Variants in NCK1 observed in about 807,000 individuals in gnomAD.
NCK1 encodes the protein NCK adaptor protein 1, also known as SH2/SH3 adapter protein NCK1.
In NCK1, 19 loss-of-function variants were observed where a neutral mutation model predicts 36.6. The observed-to-expected ratio is 0.52, with a 90% CI of 0.36 to 0.76. NCK1 has a LOEUF of 0.76. NCK1 is among the 30% of genes least tolerant of loss of function. The probability of loss-of-function intolerance (pLI) is 0.00; values close to 1 mark genes in which losing one functional copy is unlikely to be tolerated. For synonymous variants in NCK1, 165 were observed against 156.0 expected (o/e 1.06, Z -0.43); for missense variants, 358 against 445.6 (o/e 0.80, Z 1.77).
intron 1 of NCK1, among the ~76,000 whole-genome samples, chr3:136,874,131 T>C (rs1181964519): frequency 1.3e-5 from 2 of 152,234 alleles, no homozygotes; most frequent in African/African-American, 4.8e-5. Flanking sequence ...GTTTTTTGGC[T>C]ATTGTGAATA....
chr3:136,884,718 CT>C (rs72234296), intron 1 of NCK1, among the ~76,000 whole-genome samples: 7 of 145,144 alleles, frequency 4.8e-5, no homozygotes, highest in Admixed American at 1.4e-4. Flanking sequence ...CATGCCTGAG[CT>C]TTTTTTTTTT....
At chr3:136,880,364 T>TG (rs1938896422) in intron 1 of NCK1, among the ~76,000 whole-genome samples, 2 of 151,400 alleles carry the variant, frequency 1.3e-5, no homozygotes, top group South Asian at 4.2e-4. Context: ...GTTATTAGGG[T>TG]GGACCCTAAT....
chr3:136,893,975 T>G (rs1362915291), intron 1 of NCK1, among the ~76,000 whole-genome samples: 1 of 152,198 alleles, frequency 6.6e-6, no homozygotes, highest in Non-Finnish European at 1.5e-5. Flanking sequence ...CTTGCCTGTT[T>G]TGAGCCATGG....
chr3:136,902,645 A>G (rs1404251732), intron 1 of NCK1, among the ~76,000 whole-genome samples: 1 of 152,168 alleles, frequency 6.6e-6, no homozygotes, highest in Non-Finnish European at 1.5e-5. Flanking sequence ...GAATGTGTTC[A>G]CAGTGGGGTG....
chr3:136,947,895 T>C (rs113064503), intron 3 of NCK1, among the ~76,000 whole-genome samples: 5 of 152,262 alleles, frequency 3.3e-5, no homozygotes, highest in African/African-American at 9.6e-5. Flanking sequence ...TTCTCATGTG[T>C]TTCTCTGACT....
chr3:136,926,767 T>C (rs1280042165), intron 1 of NCK1, among the ~76,000 whole-genome samples: 1 of 152,204 alleles, frequency 6.6e-6, no homozygotes, highest in Non-Finnish European at 1.5e-5. Context: ...TCAAAAGTTA[T>C]CTTTTTGTTA....
At chr3:136,913,928 G>C (rs1939893912) in intron 1 of NCK1, among the ~76,000 whole-genome samples, 1 of 152,138 alleles carries the variant, frequency 6.6e-6, no homozygotes, top group Non-Finnish European at 1.5e-5. Context: ...CCAAAGTGCT[G>C]GGATTACAGG....
chr3:136,899,290 CT>C, intron 1 of NCK1: 2 of 245,490 alleles, frequency 8.1e-6, no homozygotes, highest in Non-Finnish European at 1.7e-5. Context: ...AGATAAATCT[CT>C]TTTGGCGAGG....
chr3:136,904,877 T>A (rs2108104517), intron 1 of NCK1, among the ~76,000 whole-genome samples: 1 of 152,094 alleles, frequency 6.6e-6, no homozygotes, highest in African/African-American at 2.4e-5. Context: ...ACTGGCTCAT[T>A]TCCAAGGGCC....
chr3:136,907,460 C>G (rs1484932313), intron 1 of NCK1, among the ~76,000 whole-genome samples: 1 of 152,160 alleles, frequency 6.6e-6, no homozygotes, highest in Non-Finnish European at 1.5e-5. Flanking sequence ...CTAGGCACCT[C>G]TTTATGTTAG....
chr3:136,890,194 T>C (rs548762311), intron 1 of NCK1, among the ~76,000 whole-genome samples: 1 of 152,082 alleles, frequency 6.6e-6, no homozygotes, highest in South Asian at 2.1e-4. Context: ...GCTGGTGGGC[T>C]GGCATTGCTG....
intron 1 of NCK1, among the ~76,000 whole-genome samples, chr3:136,919,264 T>TGAGA (rs1940045898): frequency 6.6e-6 from 1 of 152,210 alleles, no homozygotes; most frequent in Admixed American, 6.5e-5. Flanking sequence ...TATTTTCTTA[T>TGAGA]TTAGATTGTG....
chr3:136,867,163 TCCTTCCTTCCTTCC>T lies in NCK1; in HGVS notation c.-19+4811_-19+4824del, dbSNP rs1560028594. ...TTCCTTCCTTCCTTCCTTCCTTCCT[TCCTTCCTTCCTTCC>T]TTCTTTCTTTCTTTTCTTTCTTTTC... On this transcript the variant is annotated intron_variant, in intron 1 of 3. Coordinates refer to ENST00000481752, the MANE Select transcript of NCK1 (RefSeq NM_001291999.2). Among the ~76,000 whole-genome samples, 138 of 64,550 alleles carry T rather than the reference TCCTTCCTTCCTTCC, an allele frequency of 2.1e-3. 10 individuals are homozygous for T. Among genetic ancestry groups the T allele is most frequent in the East Asian group, 7.3e-3 (7 of 964 alleles). 42.3% of individuals were successfully genotyped at this position (64,550 alleles called of 152,430 possible).
chr3:136,871,246 A>T (rs947726198), intron 1 of NCK1, among the ~76,000 whole-genome samples: 1 of 152,014 alleles, frequency 6.6e-6, no homozygotes, highest in Non-Finnish European at 1.5e-5. Context: ...AGTAAAAAAA[A>T]AAAATTAGCC....
At chr3:136,869,200 A>G (rs959552740) in intron 1 of NCK1, among the ~76,000 whole-genome samples, 4 of 151,718 alleles carry the variant, frequency 2.6e-5, no homozygotes, top group African/African-American at 7.3e-5. Context: ...AGATCATGCC[A>G]TTCCACTCCG....
intron 1 of NCK1, among the ~76,000 whole-genome samples, chr3:136,866,491 G>A (rs559133253): frequency 4.0e-5 from 6 of 151,774 alleles, no homozygotes; most frequent in Admixed American, 1.3e-4. Flanking sequence ...ATTTTTAGTA[G>A]AGACGGGGTT....
intron 1 of NCK1, among the ~76,000 whole-genome samples, chr3:136,907,051 C>A (rs901095965): frequency 6.6e-6 from 1 of 152,024 alleles, no homozygotes; most frequent in African/African-American, 2.4e-5. Context: ...TGTGCTGTGG[C>A]CTTGTTACCG....
chr3:136,866,594 A>G (rs112127394), intron 1 of NCK1, among the ~76,000 whole-genome samples: 6 of 150,530 alleles, frequency 4.0e-5, no homozygotes, highest in Non-Finnish European at 7.4e-5. Context: ...GGTGTGAGCC[A>G]CTGTGCCTGG....
At chr3:136,933,815 G>A (rs562387668) in intron 2 of NCK1, among the ~76,000 whole-genome samples, 47 of 151,616 alleles carry the variant, frequency 3.1e-4, no homozygotes, top group Non-Finnish European at 3.8e-4. Context: ...AACGATTCTC[G>A]TCCCTCAGCC....
Sources: allele counts gnomAD v4.1 joint callset (sites outside exome capture counted in the v4.1 genomes callset), GRCh38; gene constraint gnomAD v4.1.1; transcripts MANE v1.5; gene names NCBI Gene and HGNC (gene_info 2026-07-23, HGNC 2026-07-21).